Variants in SPIB observed in about 807,000 individuals in gnomAD.
The protein encoded by SPIB is transcription factor Spi-B.
SPIB carries 7 observed loss-of-function variants against 31.9 expected under a neutral mutation model. The observed-to-expected ratio is 0.22, with a 90% CI of 0.12 to 0.41. The LOEUF is 0.41. Among genes scored for constraint, SPIB ranks in the 10% least tolerant of loss-of-function variants. The pLI, the probability that SPIB is intolerant of heterozygous loss-of-function variation, is 1.00. For missense variants in SPIB, 327 were observed against 360.2 expected, an observed-to-expected ratio of 0.91 and a Z score of 0.75; for synonymous variants, 176 against 158.9, an observed-to-expected ratio of 1.11 and a Z score of -0.81.
chr19:50,420,110 T>G, intron 2 of SPIB, 137 bp downstream of exon 2: 2 of 683,724 alleles, frequency 2.9e-6, no homozygotes, highest in Non-Finnish European at 4.4e-6. Flanking sequence ...TGGTATCTCC[T>G]GCTACCCCGC....
chr19:50,426,020 C>T (rs994200851), intron 5 of SPIB, among the ~76,000 whole-genome samples: 9 of 152,148 alleles, frequency 5.9e-5, no homozygotes, highest in Non-Finnish European at 1.3e-4. Context: ...ACCAGCCTAG[C>T]CAACATGGTG....
intron 1 of SPIB, among the ~76,000 whole-genome samples, chr19:50,419,642 C>G (rs944178915): frequency 1.3e-5 from 2 of 152,166 alleles, no homozygotes; most frequent in African/African-American, 4.8e-5. Context: ...GCACTTGACC[C>G]AGGCCCCCTC....
chr19:50,419,925 C>A (rs765361482), intron 1 of SPIB, 21 bp from the exon 2 acceptor site: 1 of 1,540,564 alleles, frequency 6.5e-7, no homozygotes, highest in African/African-American at 1.4e-5. Flanking sequence ...TCAGCATGCC[C>A]CTGTGTCTCT....
chr19:50,427,606 C>G (rs926168275), intron 5 of SPIB, among the ~76,000 whole-genome samples: 1 of 152,226 alleles, frequency 6.6e-6, no homozygotes, highest in Non-Finnish European at 1.5e-5. Flanking sequence ...GGCTGAGAGG[C>G]TGGGAGACCA....
chr19:50,423,447 C>T (rs2039525466), intron 4 of SPIB, among the ~76,000 whole-genome samples, 158 bp from the exon 5 acceptor site: 2 of 152,108 alleles, frequency 1.3e-5, no homozygotes, highest in African/African-American at 2.4e-5. Context: ...CCTCAGGTGT[C>T]CCCTGGCCAC....
intron 2 of SPIB, 53 bp from the exon 3 acceptor site, chr19:50,422,420 G>T: frequency 1.3e-6 from 2 of 1,561,668 alleles, no homozygotes; most frequent in Non-Finnish European, 8.8e-7. Context: ...GGTGGGGGTT[G>T]GGAGTCCCCA....
At chr19:50,419,858 C>A (rs2039469489) in intron 1 of SPIB, 88 bp from the exon 2 acceptor site, 4 of 1,399,316 alleles carry the variant, frequency 2.9e-6, no homozygotes, top group Non-Finnish European at 3.8e-6. Flanking sequence ...GTCACAGCTG[C>A]TGCCGCCTCC....
intron 5 of SPIB, among the ~76,000 whole-genome samples, chr19:50,426,287 A>AG (rs975720331): frequency 1.3e-4 from 20 of 152,048 alleles, no homozygotes; most frequent in Non-Finnish European, 2.4e-4. Flanking sequence ...TGTGCCTGAG[A>AG]GGGGGTCACT....
At chr19:50,419,886 CT>C in intron 1 of SPIB, 59 bp from the exon 2 acceptor site, 1 of 1,515,768 alleles carries the variant, frequency 6.6e-7, no homozygotes, top group Non-Finnish European at 8.8e-7. Flanking sequence ...CCCCCAACCA[CT>C]TTGAGATTCA....
Position 50,422,542 on chromosome 19 carries a change from C to A in SPIB, c.121C>A (p.Pro41Thr). 2 of 1,613,862 alleles carry A rather than the reference C, an allele frequency of 1.2e-6. No individual in the cohort carries two copies. Among genetic ancestry groups the A allele is most frequent in the Non-Finnish European group, 1.7e-6 (2 of 1,179,904 alleles). The change falls in exon 3 of 6, where the codon CCT becomes ACT. Residue 41 changes from proline to threonine, a missense_variant. Coordinates refer to ENST00000595883, the MANE Select transcript of SPIB (RefSeq NM_003121.5). ...HSSYPDSEGA[P>T]DSLWDWTVAP... ...CAGCTACCCTGATTCAGAGGGGGCT[C>A]CTGGTGAGTGACCCCAGCCCTGTGC... is the stretch of plus-strand genomic sequence containing the variant.
chr19:50,419,879 C>T (rs1393521496), intron 1 of SPIB, 67 bp from the exon 2 acceptor site: 8 of 1,503,558 alleles, frequency 5.3e-6, no homozygotes, highest in South Asian at 1.3e-5. Flanking sequence ...CCATCAGCCC[C>T]CAACCACTTT....
chr19:50,426,170 C>G (rs1194793802), intron 5 of SPIB, among the ~76,000 whole-genome samples: 2 of 152,106 alleles, frequency 1.3e-5, no homozygotes, highest in Non-Finnish European at 2.9e-5. Flanking sequence ...GATCATGCCA[C>G]TGCACTCCAG....
In SPIB at chr19:50,422,895, C is replaced by A. The variant is rs1256739344; in HGVS notation, c.197C>A (p.Ala66Asp). The change falls in exon 4 of 6, where the codon GCC becomes GAC. Residue 66 changes from alanine to aspartate, a missense_variant. By Grantham distance (126) the Ala-to-Asp change is moderately radical. Transcript: ENST00000595883. Reference sequence around the variant, plus strand: ...TATGAAGCCTTCGACCCGGCAGCAGCCGCTTTTAGCCACCCCCAGGCTGCC... The same window carrying A: ...TATGAAGCCTTCGACCCGGCAGCAGACGCTTTTAGCCACCCCCAGGCTGCC... ...TPYEAFDPAA[A>D]AFSHPQAAQL... The A allele has an allele frequency of 6.2e-7, 1 of 1,610,870 alleles. No individual in the cohort carries two copies. The highest frequency in any genetic ancestry group is 8.5e-7 in the Non-Finnish European group (1 of 1,178,422).
rs1370288173 is a variant in SPIB, at chr19:50,428,255, G to A, written c.708G>A (p.Lys236=). ...CGCGCGCCCTCCGAAACTACGCCAA[G>A]ACCGGCGAGATCCGCAAGGTCAAGC... ...KLARALRNYA[K]TGEIRKVKRK... Residue 236 remains lysine (K), a synonymous_variant, in exon 6 of 6, where the codon AAG becomes AAA. Transcript: ENST00000595883. This position sits in a 1 kb window ranked among gnomAD's most constrained non-coding sequence, Gnocchi z 6.5. 1.8e-5 allele frequency: 28 copies of A among 1,554,838 alleles called. No homozygotes were observed. Among genetic ancestry groups the A allele is most frequent in the Non-Finnish European group, 2.3e-5 (26 of 1,148,770 alleles).
chr19:50,422,410 G>T, intron 2 of SPIB, 63 bp from the exon 3 acceptor site: 3 of 1,490,284 alleles, frequency 2.0e-6, no homozygotes, highest in Non-Finnish European at 2.8e-6. Flanking sequence ...AAGGGTCCAG[G>T]GTGGGGGTTG....
At chr19:50,427,034 G>A (rs1006059667) in intron 5 of SPIB, among the ~76,000 whole-genome samples, 1 of 152,080 alleles carries the variant, frequency 6.6e-6, no homozygotes, top group African/African-American at 2.4e-5. Flanking sequence ...GGAGGCTGGG[G>A]CAGGAGGATT....
intron 1 of SPIB, 94 bp downstream of exon 1, chr19:50,419,079 A>C: frequency 1.6e-5 from 23 of 1,441,376 alleles, no homozygotes; most frequent in Admixed American, 2.0e-5. Context: ...TCTGCTCCTC[A>C]CGGCCGGTGG....
intron 5 of SPIB, among the ~76,000 whole-genome samples, chr19:50,424,753 C>G (rs1182639651): frequency 1.3e-5 from 2 of 151,420 alleles, no homozygotes; most frequent in African/African-American, 2.4e-5. Context: ...TGCAGTCCAG[C>G]CTGGCGACAG....
At chr19:50,423,539 C>A (rs568185199) in intron 4 of SPIB, 66 bp from the exon 5 acceptor site, 1 of 1,578,568 alleles carries the variant, frequency 6.3e-7, no homozygotes, top group African/African-American at 1.3e-5. Flanking sequence ...CCGCCTTGGC[C>A]TGAGAGGAGG....
Sources: allele counts gnomAD v4.1 joint callset (sites outside exome capture counted in the v4.1 genomes callset), GRCh38; gene constraint gnomAD v4.1.1; non-coding constraint Gnocchi (gnomAD v3.1); transcripts MANE v1.5; gene names NCBI Gene and HGNC (gene_info 2026-07-23, HGNC 2026-07-21).